The following VPS53 variants were observed in gnomAD, a reference collection of about 807,000 sequenced individuals.
VPS53 encodes the protein VPS53 subunit of GARP complex.
A neutral mutation model predicts 107.0 loss-of-function variants in VPS53; 70 were observed. That is an observed-to-expected ratio of 0.65 (90% CI 0.54 to 0.80). The LOEUF (loss-of-function observed/expected upper bound fraction) is 0.80, where lower values mean the gene tolerates loss of function less well. Ranked by LOEUF, VPS53 falls within the 30% of genes least tolerant of loss-of-function variation. VPS53 has a pLI of 0.00. For missense variants in VPS53, 917 were observed against 1,049.4 expected, an observed-to-expected ratio of 0.87 and a Z score of 1.74; for synonymous variants, 409 against 393.3, an observed-to-expected ratio of 1.04 and a Z score of -0.47.
At chr17:672,109 GACACACACAC>G (rs10630363) in intron 4 of VPS53, among the ~76,000 whole-genome samples, 13,179 of 109,098 alleles carry the variant, frequency 0.12, 670 homozygotes, top group East Asian at 0.25. Flanking sequence ...TGATGAGGGT[GACACACACAC>G]ACACACACAC....
At chr17:655,260 T>C (rs1971139581) in intron 6 of VPS53, among the ~76,000 whole-genome samples, 2 of 152,128 alleles carry the variant, frequency 1.3e-5, no homozygotes, top group Non-Finnish European at 2.9e-5. Flanking sequence ...TCCTTCTCTA[T>C]TTCTAATGTT....
At chr17:551,810 C>A (rs1361246050) in intron 17 of VPS53, 62 bp downstream of exon 17, 1 of 1,428,860 alleles carries the variant, frequency 7.0e-7, no homozygotes, top group Non-Finnish European at 9.5e-7. Context: ...AGACAAGGGC[C>A]AGTAGAAGCC....
intron 4 of VPS53, among the ~76,000 whole-genome samples, chr17:662,146 C>T (rs1300774696): frequency 1.3e-5 from 2 of 152,162 alleles, no homozygotes; most frequent in African/African-American, 4.8e-5. Flanking sequence ...TTCCCCTCTA[C>T]CTCAGTCATT....
chr17:671,131 T>C (rs1971921852), intron 4 of VPS53, among the ~76,000 whole-genome samples: 1 of 151,950 alleles, frequency 6.6e-6, no homozygotes, highest in Non-Finnish European at 1.5e-5. Context: ...CTGGGGAGGA[T>C]GAGGCAGGAG....
chr17:586,475 G>T, intron 12 of VPS53, 111 bp from the exon 13 acceptor site: 1 of 1,019,804 alleles, frequency 9.8e-7, no homozygotes, highest in Non-Finnish European at 1.5e-6. Context: ...AGATAAGAGA[G>T]TACTCAATGT....
chr17:625,186 G>A (rs1227740827), intron 10 of VPS53, among the ~76,000 whole-genome samples: 1 of 151,740 alleles, frequency 6.6e-6, no homozygotes, highest in Non-Finnish European at 1.5e-5. Context: ...ATGGGGTTTT[G>A]CCATGTTGCC....
intron 11 of VPS53, among the ~76,000 whole-genome samples, chr17:617,715 C>G (rs1475380571): frequency 1.3e-5 from 2 of 150,002 alleles, no homozygotes; most frequent in Non-Finnish European, 3.0e-5. Context: ...TCAGGCCCCG[C>G]TATTATTTCC....
chr17:650,820 T>C (rs1459362146), intron 7 of VPS53, among the ~76,000 whole-genome samples: 1 of 152,150 alleles, frequency 6.6e-6, no homozygotes, highest in Admixed American at 6.5e-5. Context: ...ACCAAAATGG[T>C]GAAATAATCT....
chr17:605,676 CT>C (rs1968536966), intron 11 of VPS53, among the ~76,000 whole-genome samples: 1 of 133,168 alleles, frequency 7.5e-6, no homozygotes, highest in African/African-American at 2.9e-5. Flanking sequence ...AGATGGGGGC[CT>C]GGGGTAAGAG....
intron 18 of VPS53, among the ~76,000 whole-genome samples, chr17:534,929 A>AC (rs1242644509): frequency 4.6e-5 from 7 of 151,730 alleles, no homozygotes; most frequent in Non-Finnish European, 1.0e-4. Context: ...AAAAAAAAAA[A>AC]AAAAACCTTT....
intron 7 of VPS53, among the ~76,000 whole-genome samples, chr17:643,979 G>A (rs978829413): frequency 1.1e-4 from 17 of 152,176 alleles, no homozygotes; most frequent in Non-Finnish European, 1.9e-4. Context: ...ATTTATAAGA[G>A]GTTAGAAATG....
At chr17:698,713 C>G (rs1291120980) in intron 3 of VPS53, among the ~76,000 whole-genome samples, 1 of 149,686 alleles carries the variant, frequency 6.7e-6, no homozygotes, top group Non-Finnish European at 1.5e-5. Context: ...GAAAAAAAAA[C>G]AGAAAAAAAG....
Position 656,731 on chromosome 17 carries a change from T to TGTGTGTGTGTGTGTGTGTGTGTG in VPS53, c.373-779_373-778insCACACACACACACACACACACAC, listed in dbSNP as rs571847599. 5.7e-6 allele frequency: 4 copies of TGTGTGTGTGTGTGTGTGTGTGTG among 706,178 alleles called. No homozygotes were observed. In the African/African-American group the frequency reaches 7.3e-5, roughly 13 times the overall value. The allele number at this position is 706,178 out of a possible 1,614,324, so 43.7% of individuals were successfully genotyped here. A position where few individuals can be genotyped will look rare whatever the true frequency, so the allele number is the denominator to read the frequency against. ...GTGTGTGTGTGTGTGTGTGTGTGTG[T>TGTGTGTGTGTGTGTGTGTGTGTG]TTTATCATGCCACATTATTTTTAAT... On this transcript the variant is annotated intron_variant, in intron 5 of 21. Transcript: ENST00000437048.
intron 11 of VPS53, among the ~76,000 whole-genome samples, chr17:619,364 GGCGC>G (rs1969344918): frequency 1.4e-5 from 2 of 144,770 alleles, no homozygotes; most frequent in African/African-American, 5.2e-5. Flanking sequence ...TGGGACTACA[GGCGC>G]GCACCACCAT....
In VPS53 at chr17:714,820, G is replaced by A. The variant is rs929519535; in HGVS notation, c.-111C>T. 1.7e-5 allele frequency: 21 copies of A among 1,210,602 alleles called. No individual in the cohort carries two copies. The African/African-American group carries it at 2.0e-4, about 11-fold the overall frequency. 75.0% of individuals were successfully genotyped at this position (1,210,602 alleles called of 1,614,324 possible). ...TCGCGGCAGCGACCTGGTGAGCCCG[G>A]CTCCGTCAGCCGCTCTGTCAGCCGC... On this transcript the variant is annotated 5_prime_UTR_variant, in exon 1 of 22. Coordinates refer to ENST00000437048, the MANE Select transcript of VPS53 (RefSeq NM_001128159.3).
intron 1 of VPS53, among the ~76,000 whole-genome samples, chr17:712,157 A>G (rs1385641515): frequency 7.2e-6 from 1 of 139,188 alleles, no homozygotes; most frequent in Non-Finnish European, 1.5e-5. Context: ...AGTGATTTTC[A>G]TGTCTAGAGT....
chr17:633,196 G>A (rs370278621), intron 7 of VPS53, among the ~76,000 whole-genome samples: 1 of 152,094 alleles, frequency 6.6e-6, no homozygotes, highest in Non-Finnish European at 1.5e-5. Context: ...ATCAGGCCCC[G>A]CAATCACGTC....
intron 19 of VPS53, among the ~76,000 whole-genome samples, chr17:525,071 C>T (rs181952182): frequency 3.4e-4 from 52 of 152,318 alleles, no homozygotes; most frequent in African/African-American, 1.1e-3. Context: ...ACAGCACATT[C>T]GTGCAATGGA....
chr17:702,490 C>A (rs370189540), intron 2 of VPS53, among the ~76,000 whole-genome samples: 1 of 151,878 alleles, frequency 6.6e-6, no homozygotes, highest in South Asian at 2.1e-4. Context: ...GGTGAAACCC[C>A]GTCTCTACTA....
Sources: allele counts gnomAD v4.1 joint callset (sites outside exome capture counted in the v4.1 genomes callset), GRCh38; gene constraint gnomAD v4.1.1; transcripts MANE v1.5; gene names NCBI Gene and HGNC (gene_info 2026-07-23, HGNC 2026-07-21).